Variants in TSPAN9 observed in about 807,000 individuals in gnomAD.
The protein encoded by TSPAN9 is tetraspanin 9, also known as tetraspanin-9.
Under a neutral mutation model 31.0 loss-of-function variants are expected in TSPAN9, and 16 were observed. The observed-to-expected ratio is 0.52, with a 90% CI of 0.35 to 0.78. The LOEUF (loss-of-function observed/expected upper bound fraction) is 0.78, where lower values mean the gene tolerates loss of function less well. TSPAN9 is among the 30% of genes least tolerant of loss of function. The pLI is 0.01. For missense variants in TSPAN9, 272 were observed against 312.5 expected (o/e 0.87, Z 0.98); for synonymous variants, 145 against 121.6 (o/e 1.19, Z -1.27).
At chr12:3,125,486 A>G (rs1246368794) in intron 2 of TSPAN9, among the ~76,000 whole-genome samples, 1 of 152,222 alleles carries the variant, frequency 6.6e-6, no homozygotes, top group Non-Finnish European at 1.5e-5. Context: ...GTAAATTTAC[A>G]ACTAAATAAT....
intron 2 of TSPAN9, among the ~76,000 whole-genome samples, chr12:3,140,613 G>A (rs965036750): frequency 6.6e-6 from 1 of 152,132 alleles, no homozygotes; most frequent in African/African-American, 2.4e-5. Context: ...TTTGGGGTTC[G>A]ATGATGAATG....
intron 3 of TSPAN9, among the ~76,000 whole-genome samples, chr12:3,216,777 G>T (rs754870159): frequency 6.6e-6 from 1 of 152,244 alleles, no homozygotes; most frequent in East Asian, 1.9e-4. Flanking sequence ...AAACGTCCAC[G>T]TGGGCTTTTT....
chr12:3,191,715 A>G (rs1454850052), intron 2 of TSPAN9, among the ~76,000 whole-genome samples: 1 of 152,198 alleles, frequency 6.6e-6, no homozygotes, highest in Non-Finnish European at 1.5e-5. Context: ...GGTCAGGAAT[A>G]GTACTGGGTA....
chr12:3,279,049 T>C lies in TSPAN9; in HGVS notation c.313T>C (p.Phe105Leu). The C allele has an allele frequency of 6.2e-7, 1 of 1,614,092 alleles. No homozygotes were observed. The change falls in exon 5 of 9, where the codon TTT (phenylalanine) becomes CTT (leucine). Residue 105 changes from phenylalanine to leucine, a missense_variant. Phe to Leu is a conservative substitution (Grantham distance 22, BLOSUM62 0). Coordinates refer to ENST00000011898, the MANE Select transcript of TSPAN9 (RefSeq NM_006675.5). ...LAELILLILF[F>L]VYMDKVNENA... ...AGAGCTGATCTTACTCATCCTCTTC[T>C]TTGTCTACATGGACAAGGTAAGCCT...
intron 2 of TSPAN9, among the ~76,000 whole-genome samples, chr12:3,118,235 C>T (rs1011917350): frequency 4.1e-5 from 6 of 146,298 alleles, no homozygotes; most frequent in Non-Finnish European, 6.0e-5. Flanking sequence ...TACCTGATTC[C>T]GCACCGCCCC....
At chr12:3,236,016 C>T (rs530881606) in intron 3 of TSPAN9, among the ~76,000 whole-genome samples, 1 of 152,378 alleles carries the variant, frequency 6.6e-6, no homozygotes, top group Admixed American at 6.5e-5. Context: ...GGTTCCACAG[C>T]TCTGTCCCTG....
chr12:3,079,946 T>A (rs11062489), intron 1 of TSPAN9, among the ~76,000 whole-genome samples: 7,002 of 85,298 alleles, frequency 0.082, 236 homozygotes, highest in African/African-American at 0.13. Context: ...ATTAAAAAAA[T>A]TTTTTTTTTT....
At chr12:3,106,322 T>C (rs1443955877) in intron 2 of TSPAN9, among the ~76,000 whole-genome samples, 4 of 152,214 alleles carry the variant, frequency 2.6e-5, no homozygotes, top group Admixed American at 6.5e-5. Flanking sequence ...AGTTTACCCC[T>C]CTTGTATAAT....
At chr12:3,167,874 C>T (rs2098349381) in intron 2 of TSPAN9, among the ~76,000 whole-genome samples, 1 of 152,186 alleles carries the variant, frequency 6.6e-6, no homozygotes, top group Non-Finnish European at 1.5e-5. Flanking sequence ...CTGCAGAGTT[C>T]CCATCTGGGG....
chr12:3,254,247 C>G (rs1310904065), intron 3 of TSPAN9, among the ~76,000 whole-genome samples: 1 of 152,200 alleles, frequency 6.6e-6, no homozygotes, highest in Non-Finnish European at 1.5e-5. Flanking sequence ...CAGGTGCTTA[C>G]TACCTTCAGG....
chr12:3,176,337 C>T (rs932024219), intron 2 of TSPAN9, among the ~76,000 whole-genome samples: 3 of 152,134 alleles, frequency 2.0e-5, no homozygotes, highest in Non-Finnish European at 2.9e-5. Flanking sequence ...GAAAACTGAG[C>T]GTCCAAGAGA....
At chr12:3,082,735 G>A (rs1336884592) in intron 1 of TSPAN9, among the ~76,000 whole-genome samples, 1 of 152,116 alleles carries the variant, frequency 6.6e-6, no homozygotes, top group Middle Eastern at 3.2e-3. Context: ...AAAGGATGAA[G>A]TTGAAGGGGG....
rs2098397314 is a variant in TSPAN9, at chr12:3,242,842, T to G, written c.64-35579T>G. On this transcript the variant is annotated intron_variant, in intron 3 of 8. Transcript: ENST00000011898. ...TCTGGTTTCTTTCCTCCCAGGATTTTGAGTTGTGCTGACTGCCAGGCATCG... is the reference window on the plus strand; with the variant it reads ...TCTGGTTTCTTTCCTCCCAGGATTTGGAGTTGTGCTGACTGCCAGGCATCG... Among the ~76,000 whole-genome samples the G allele has an allele frequency of 3.3e-5, 5 of 152,370 alleles. No homozygotes were observed. In the South Asian group the frequency reaches 1.0e-3, roughly 32 times the overall value.
chr12:3,139,578 C>CTT (rs34051009), intron 2 of TSPAN9, among the ~76,000 whole-genome samples: 1 of 151,738 alleles, frequency 6.6e-6, no homozygotes, highest in East Asian at 1.9e-4. Flanking sequence ...TCCTTTTTTT[C>CTT]TTTTTTTTGA....
At position 3,232,563 on chromosome 12, in the gene TSPAN9, C is replaced by A. The variant is rs76419735; in HGVS notation, c.63+31307C>A. ...GACATTAAATCGGGTGGTTTTGAGG[C>A]CAGCTTTGCATCGGAATCACCTGGG... On this transcript the variant is annotated intron_variant, in intron 3 of 8. Coordinates refer to ENST00000011898, the MANE Select transcript of TSPAN9 (RefSeq NM_006675.5). Among the ~76,000 whole-genome samples, 8 of 152,320 alleles carry A rather than the reference C, an allele frequency of 5.3e-5. No homozygotes were observed. In the South Asian group the frequency reaches 1.7e-3, roughly 32 times the overall value.
At chr12:3,230,067 T>C (rs555654417) in intron 3 of TSPAN9, among the ~76,000 whole-genome samples, 1 of 152,204 alleles carries the variant, frequency 6.6e-6, no homozygotes, top group South Asian at 2.1e-4. Context: ...TTTCTTCTCC[T>C]CCCATCATCT....
At chr12:3,137,162 C>A (rs962835767) in intron 2 of TSPAN9, among the ~76,000 whole-genome samples, 7 of 152,234 alleles carry the variant, frequency 4.6e-5, no homozygotes, top group Admixed American at 4.6e-4. Flanking sequence ...GGCTCCTTGT[C>A]GTCTCCTCTC....
At chr12:3,208,679 AAAAT>A (rs2098376590) in intron 3 of TSPAN9, among the ~76,000 whole-genome samples, 1 of 152,234 alleles carries the variant, frequency 6.6e-6, no homozygotes, top group African/African-American at 2.4e-5. Context: ...TGACAGTTGT[AAAAT>A]ACATCATATG....
At chr12:3,281,669 G>C in intron 7 of TSPAN9, 65 bp from the exon 8 acceptor site, 1 of 1,535,994 alleles carries the variant, frequency 6.5e-7, no homozygotes, top group Non-Finnish European at 8.9e-7. Context: ...GAGTGAGCTG[G>C]GGGCTGGGCT....
Sources: gnomAD v4.1 joint callset for allele counts (sites outside exome capture counted in the v4.1 genomes callset) on GRCh38, gnomAD v4.1.1 for gene constraint, MANE v1.5 for transcripts, NCBI Gene and HGNC (gene_info 2026-07-23, HGNC 2026-07-21) for gene names.